The following RGS6 variants were observed in gnomAD, a reference collection of about 807,000 sequenced individuals.
RGS6 encodes the protein regulator of G-protein signaling 6.
In RGS6, 30 loss-of-function variants were observed where a neutral mutation model predicts 78.5. The ratio of observed to expected loss-of-function variants is 0.38; its 90% confidence interval spans 0.29 to 0.52. RGS6 has a LOEUF of 0.52. RGS6 is among the 20% of genes least tolerant of loss of function. RGS6 has a pLI of 0.85. For missense variants in RGS6, 495 were observed against 609.7 expected (o/e 0.81, Z 1.98); for synonymous variants, 206 against 206.0 (o/e 1.00, Z 0.00).
intron 3 of RGS6, among the ~76,000 whole-genome samples, chr14:72,447,849 G>A (rs2095405909): frequency 6.6e-6 from 1 of 152,114 alleles, no homozygotes; most frequent in Non-Finnish European, 1.5e-5. Context: ...GATTACAAGT[G>A]CCCGCCACCA....
chr14:72,477,746 G>T (rs1452043973), intron 11 of RGS6, among the ~76,000 whole-genome samples: 2 of 149,750 alleles, frequency 1.3e-5, no homozygotes, highest in African/African-American at 4.9e-5. Flanking sequence ...GCAGTGAGCT[G>T]AGATCATGCC....
chr14:72,463,744 G>C (rs1015973425), intron 6 of RGS6, among the ~76,000 whole-genome samples: 4 of 152,188 alleles, frequency 2.6e-5, no homozygotes, highest in Non-Finnish European at 4.4e-5. Context: ...TCATGACCTG[G>C]CCCAGTCGAG....
In RGS6 at chr14:72,392,674, T is replaced by C. The variant is rs1330451677; in HGVS notation, c.184+40480T>C. ...TGTAAGCATCTCTTGTGGCCCACTC[T>C]AACAAGAAACATTCAGGAAAGGAGA... On this transcript the variant is annotated intron_variant, in intron 3 of 17. Coordinates refer to ENST00000553525, the MANE Select transcript of RGS6 (RefSeq NM_001204424.2). 2.0e-5 allele frequency among the ~76,000 whole-genome samples: 3 copies of C among 152,092 alleles called. No homozygotes were observed. In the East Asian group the frequency reaches 5.8e-4, roughly 29 times the overall value.
chr14:72,292,509 GTCCTGATGACAAAAC>G (rs2063790403), intron 2 of RGS6, among the ~76,000 whole-genome samples: 2 of 152,178 alleles, frequency 1.3e-5, no homozygotes. Flanking sequence ...AAATGAGTTG[GTCCTGATGACAAAAC>G]AACCCTTTCT....
chr14:71,982,202 G>C (rs1294536025), intron 2 of RGS6, among the ~76,000 whole-genome samples: 1 of 152,206 alleles, frequency 6.6e-6, no homozygotes, highest in Non-Finnish European at 1.5e-5. Flanking sequence ...TCCCTAGTGA[G>C]ATGAACCCGG....
chr14:71,992,452 C>T (rs563700315), intron 2 of RGS6, among the ~76,000 whole-genome samples: 2 of 152,180 alleles, frequency 1.3e-5, no homozygotes, highest in African/African-American at 4.8e-5. Context: ...AACATTGCTT[C>T]GTTTGTTCTA....
At chr14:71,899,227 C>T in the RGS6 span, among the ~76,000 whole-genome samples, 4 of 152,198 alleles carry the variant, frequency 2.6e-5, no homozygotes, top group African/African-American at 9.7e-5. Context: ...ATAAAACCCA[C>T]CCATAATTCC....
chr14:72,577,746 A>G, the RGS6 span, among the ~76,000 whole-genome samples: 1 of 152,194 alleles, frequency 6.6e-6, no homozygotes, highest in Non-Finnish European at 1.5e-5. Context: ...CAGCCCTCAC[A>G]GGAGAAAGCC....
chr14:72,395,746 T>C (rs527869625), intron 3 of RGS6, among the ~76,000 whole-genome samples: 10 of 151,724 alleles, frequency 6.6e-5, no homozygotes, highest in African/African-American at 2.2e-4. Flanking sequence ...TGTGTTCTCA[T>C]TGTTCAATTC....
chr14:72,361,083 C>CTTTTTTT lies in RGS6; in HGVS notation c.184+8902_184+8908dup, dbSNP rs56251149. ...ACGGAACTGTGATTCAATCAAACCTCTTTTTTTTTTTTTTTTTTTCATAAA... is the reference window on the plus strand; with the variant it reads ...ACGGAACTGTGATTCAATCAAACCTCTTTTTTTTTTTTTTTTTTTTTTTTTTCATAAA... On this transcript the variant is annotated intron_variant, in intron 3 of 17. Transcript: ENST00000553525. Among the ~76,000 whole-genome samples, 9 of 138,404 alleles carry CTTTTTTT rather than the reference C, an allele frequency of 6.5e-5. No individual in the cohort carries two copies. The East Asian group carries it at 8.9e-4, about 14-fold the overall frequency. The allele number at this position is 138,404 out of a possible 152,430, so 90.8% of individuals were successfully genotyped here.
intron 3 of RGS6, among the ~76,000 whole-genome samples, chr14:72,440,817 T>C (rs565573657): frequency 6.6e-6 from 1 of 152,104 alleles, no homozygotes; most frequent in African/African-American, 2.4e-5. Flanking sequence ...TTTTAGGGGG[T>C]GGGAACATAT....
chr14:72,532,827 A>G (rs1422880744), intron 15 of RGS6, among the ~76,000 whole-genome samples: 2 of 152,260 alleles, frequency 1.3e-5, no homozygotes, highest in Non-Finnish European at 2.9e-5. Flanking sequence ...AAGCTGCAGA[A>G]GAAAAGTTTG....
At chr14:72,499,515 A>G (rs983865278) in intron 13 of RGS6, among the ~76,000 whole-genome samples, 2 of 152,144 alleles carry the variant, frequency 1.3e-5, no homozygotes, top group African/African-American at 4.8e-5. Context: ...TGATGCCTCC[A>G]CTGGAATCGT....
chr14:72,065,661 C>T (rs999013877), intron 2 of RGS6, among the ~76,000 whole-genome samples: 1 of 152,166 alleles, frequency 6.6e-6, no homozygotes, highest in African/African-American at 2.4e-5. Context: ...ATTTTCAGAT[C>T]TTTAACAAAG....
Position 72,056,879 on chromosome 14 carries a change from T to G in RGS6, c.84+92004T>G, listed in dbSNP as rs1203834797. 2.6e-5 allele frequency among the ~76,000 whole-genome samples: 4 copies of G among 152,216 alleles called. No homozygotes were observed. The East Asian group carries it at 7.7e-4, about 29-fold the overall frequency. On this transcript the variant is annotated intron_variant, in intron 2 of 17. Coordinates refer to ENST00000553525, the MANE Select transcript of RGS6 (RefSeq NM_001204424.2). ...TTGTCAAGGAAACATTTGATCATGTTTATGTCTGTATTTGGCCACAAAAAC... is the reference window on the plus strand; with the variant it reads ...TTGTCAAGGAAACATTTGATCATGTGTATGTCTGTATTTGGCCACAAAAAC...
chr14:71,873,628 C>A, the RGS6 span, among the ~76,000 whole-genome samples: 4 of 152,156 alleles, frequency 2.6e-5, no homozygotes, highest in Admixed American at 2.6e-4. Context: ...TTTTGCTGTG[C>A]AGAAACTGTT....
chr14:72,561,312 C>T (rs79126605), intron 17 of RGS6, among the ~76,000 whole-genome samples: 82 of 152,310 alleles, frequency 5.4e-4, no homozygotes, highest in African/African-American at 1.9e-3. Context: ...CCCATGCTGA[C>T]GAGCTATCAC....
At chr14:72,489,156 G>GCCCCCCCCCCC (rs35147203) in intron 12 of RGS6, among the ~76,000 whole-genome samples, 1 of 142,000 alleles carries the variant, frequency 7.0e-6, no homozygotes, top group African/African-American at 2.6e-5. Flanking sequence ...GACAAAGGGG[G>GCCCCCCCCCCC]CCCCCCCACC....
At chr14:72,360,125 C>T (rs2081166670) in intron 3 of RGS6, among the ~76,000 whole-genome samples, 1 of 151,996 alleles carries the variant, frequency 6.6e-6, no homozygotes, top group Non-Finnish European at 1.5e-5. Flanking sequence ...AATGGGAAAA[C>T]TTCAAGGAGT....
Sources: allele counts gnomAD v4.1 joint callset (sites outside exome capture counted in the v4.1 genomes callset), GRCh38; gene constraint gnomAD v4.1.1; transcripts MANE v1.5; gene names NCBI Gene and HGNC (gene_info 2026-07-23, HGNC 2026-07-21).